GUCA1C: variants seen among roughly 807,000 people sequenced by gnomAD.
GUCA1C encodes guanylate cyclase activator 1C.
In GUCA1C, 15 loss-of-function variants were observed where a neutral mutation model predicts 16.2. That is an observed-to-expected ratio of 0.93 (90% confidence interval 0.62 to 1.43). The LOEUF is 1.43. Ranked by LOEUF, GUCA1C falls within the 40% of genes most tolerant of loss-of-function variation. The pLI is 0.00. For synonymous variants in GUCA1C, 78 were observed against 85.4 expected (o/e 0.91, Z 0.48); for missense variants, 275 against 244.8 (o/e 1.12, Z -0.82).
At position 108,916,135 on chromosome 3, in the gene GUCA1C, T is replaced by C; in HGVS notation, c.434A>G (p.Asn145Ser). The C allele has an allele frequency of 1.2e-6, 2 of 1,612,396 alleles. No individual in the cohort carries two copies. Among genetic ancestry groups the C allele is most frequent in the South Asian group, 1.1e-5 (1 of 91,020 alleles). Residue 145 changes from asparagine (N) to serine (S), a missense_variant, in exon 3 of 4, where the codon AAC becomes AGC. Transcript: ENST00000261047. ...INLVFHKIDI[N>S]NDGELTLEEF... ...GAGAGTAGCTCCATTACCATCATTG[T>C]TTATATCGATCTTATGGAACACCAA... is the stretch of plus-strand genomic sequence containing the variant.
chr3:108,931,000 C>A (rs1227331901), intron 1 of GUCA1C, among the ~76,000 whole-genome samples: 1 of 152,136 alleles, frequency 6.6e-6, no homozygotes, highest in Non-Finnish European at 1.5e-5. Flanking sequence ...CAGTATCCAA[C>A]CAGAGGTACA....
intron 1 of GUCA1C, among the ~76,000 whole-genome samples, chr3:108,934,546 A>G (rs2107302679): frequency 6.6e-6 from 1 of 152,296 alleles, no homozygotes; most frequent in East Asian, 1.9e-4. Flanking sequence ...AAATCATTCT[A>G]CCAAAAAGAC....
At chr3:108,941,667 C>T (rs1009811549) in intron 1 of GUCA1C, among the ~76,000 whole-genome samples, 3 of 152,184 alleles carry the variant, frequency 2.0e-5, no homozygotes, top group African/African-American at 4.8e-5. Flanking sequence ...AACAATGACA[C>T]TCTATTTGGA....
chr3:108,923,418 C>A (rs1214406361), intron 1 of GUCA1C, among the ~76,000 whole-genome samples: 1 of 152,172 alleles, frequency 6.6e-6, no homozygotes, highest in Non-Finnish European at 1.5e-5. Context: ...TTCTTTCCCC[C>A]ACTTTATGTT....
intron 1 of GUCA1C, among the ~76,000 whole-genome samples, chr3:108,938,487 C>T (rs868783731): frequency 4.6e-5 from 7 of 152,162 alleles, no homozygotes; most frequent in Admixed American, 2.0e-4. Context: ...ATTTAATTTA[C>T]ATTTTAGGAA....
intron 3 of GUCA1C, among the ~76,000 whole-genome samples, chr3:108,915,001 G>A (rs1576544148): frequency 1.3e-5 from 2 of 152,312 alleles, no homozygotes; most frequent in South Asian, 2.1e-4. Flanking sequence ...GATCTACACC[G>A]AGGTGCTTAA....
chr3:108,923,824 C>A (rs968797105), intron 1 of GUCA1C, among the ~76,000 whole-genome samples: 1 of 152,158 alleles, frequency 6.6e-6, no homozygotes, highest in East Asian at 1.9e-4. Flanking sequence ...TCAATGATTT[C>A]TTTCAGCAGT....
chr3:108,911,138 A>G (rs1221294844), intron 3 of GUCA1C, among the ~76,000 whole-genome samples: 8 of 152,140 alleles, frequency 5.3e-5, no homozygotes, highest in Admixed American at 2.0e-4. Context: ...TACCAATTTC[A>G]GGAGTTTCAT....
chr3:108,918,324 T>C (rs2593914), intron 2 of GUCA1C, among the ~76,000 whole-genome samples: 151,697 of 152,314 alleles, frequency 1, 75,543 homozygotes, highest in East Asian at 1. Context: ...AGATCTAACA[T>C]AGCTCTATGC....
At chr3:108,952,198 G>C (rs1946902042) in intron 1 of GUCA1C, among the ~76,000 whole-genome samples, 1 of 152,198 alleles carries the variant, frequency 6.6e-6, no homozygotes. Context: ...GAGAAAGAAA[G>C]AGAAAACTGA....
At chr3:108,947,250 T>C (rs954850451) in intron 1 of GUCA1C, among the ~76,000 whole-genome samples, 2 of 152,124 alleles carry the variant, frequency 1.3e-5, no homozygotes, top group African/African-American at 2.4e-5. Flanking sequence ...AAGAAAATAA[T>C]ACGGAAGAGA....
intron 3 of GUCA1C, 152 bp from the exon 4 acceptor site, chr3:108,908,361 A>C (rs571353330): frequency 3.6e-3 from 1,715 of 476,048 alleles, no homozygotes; most frequent in Non-Finnish European, 4.2e-3. Context: ...TTAAACAAAA[A>C]AAAAAAAAAA....
At chr3:108,910,090 TC>T (rs1197007369) in intron 3 of GUCA1C, among the ~76,000 whole-genome samples, 4 of 152,222 alleles carry the variant, frequency 2.6e-5, no homozygotes, top group Admixed American at 2.6e-4. Flanking sequence ...TAACATTACT[TC>T]CTATTCTGCT....
At chr3:108,948,929 C>A (rs1272653328) in intron 1 of GUCA1C, among the ~76,000 whole-genome samples, 1 of 151,630 alleles carries the variant, frequency 6.6e-6, no homozygotes, top group African/African-American at 2.4e-5. Context: ...CTCTCTGCAA[C>A]TTCCGCCTCC....
intron 3 of GUCA1C, 143 bp from the exon 4 acceptor site, chr3:108,908,352 TAAACAAAAAAA>T: frequency 5.8e-6 from 2 of 345,812 alleles, no homozygotes; most frequent in Middle Eastern, 1.5e-3. Flanking sequence ...GATCTTCATT[TAAACAAAAAAA>T]AAAAAAAAAA....
chr3:108,949,670 T>G (rs892810295), intron 1 of GUCA1C, among the ~76,000 whole-genome samples: 1 of 152,212 alleles, frequency 6.6e-6, no homozygotes, highest in Non-Finnish European at 1.5e-5. Flanking sequence ...GACGGTTGAA[T>G]GTATTCATCT....
chr3:108,911,814 C>A (rs1050743585), intron 3 of GUCA1C, among the ~76,000 whole-genome samples: 2 of 152,054 alleles, frequency 1.3e-5, no homozygotes, highest in Non-Finnish European at 2.9e-5. Flanking sequence ...GCTCAATAAT[C>A]ACCCTTTTTG....
At chr3:108,910,495 G>GAAA (rs112235016) in intron 3 of GUCA1C, among the ~76,000 whole-genome samples, 2 of 140,152 alleles carry the variant, frequency 1.4e-5, no homozygotes, top group Admixed American at 7.1e-5. Flanking sequence ...GAGACTGTCT[G>GAAA]AAAAAAAAAA....
rs1576540875 is a variant in GUCA1C, at chr3:108,907,850, C to A, written c.*172G>T. On this transcript the variant is annotated 3_prime_UTR_variant, in exon 4 of 4. Coordinates refer to ENST00000261047, the MANE Select transcript of GUCA1C (RefSeq NM_005459.4). ...ACAGCACAGAAAAGCAACAATGCATCTGTTTAGGATCTTTATGCAAGTCTC... is the reference window on the plus strand; with the variant it reads ...ACAGCACAGAAAAGCAACAATGCATATGTTTAGGATCTTTATGCAAGTCTC... 1.8e-6 allele frequency: 1 copy of A among 552,192 alleles called. No individual in the cohort carries two copies. The highest frequency in any genetic ancestry group is 2.9e-5 in the East Asian group (1 of 34,308). The allele number at this position is 552,192 out of a possible 1,614,324, so 34.2% of individuals were successfully genotyped here.
Sources: gnomAD v4.1 joint callset for allele counts (sites outside exome capture counted in the v4.1 genomes callset) on GRCh38, gnomAD v4.1.1 for gene constraint, MANE v1.5 for transcripts, NCBI Gene and HGNC (gene_info 2026-07-23, HGNC 2026-07-21) for gene names.